MFHAS1: variants seen among roughly 807,000 people sequenced by gnomAD.
MFHAS1 encodes the protein multifunctional ROCO family signaling regulator 1.
A neutral mutation model predicts 70.4 loss-of-function variants in MFHAS1; 50 were observed. The observed-to-expected ratio is 0.71, with a 90% CI of 0.57 to 0.90. The LOEUF (loss-of-function observed/expected upper bound fraction) is 0.90, where lower values mean the gene tolerates loss of function less well. Among genes scored for constraint, MFHAS1 ranks in the 40% least tolerant of loss-of-function variants. The pLI, the probability that MFHAS1 is intolerant of heterozygous loss-of-function variation, is 0.00. For synonymous variants in MFHAS1, 952 were observed against 620.0 expected, an observed-to-expected ratio of 1.54 and a Z score of -7.96; for missense variants, 1,795 against 1,347.6, an observed-to-expected ratio of 1.33 and a Z score of -5.20.
At chr8:8,806,139 T>C (rs1047156068) in intron 1 of MFHAS1, among the ~76,000 whole-genome samples, 1 of 152,218 alleles carries the variant, frequency 6.6e-6, no homozygotes, top group Admixed American at 6.5e-5. Context: ...TTCTAATACC[T>C]GCAACAGGAG....
chr8:8,887,866 A>C (rs1444088053), intron 1 of MFHAS1, among the ~76,000 whole-genome samples: 9 of 150,244 alleles, frequency 6.0e-5, no homozygotes, highest in Non-Finnish European at 8.9e-5. Flanking sequence ...AAACAAAAAA[A>C]AAAAAAAAAA....
intron 1 of MFHAS1, among the ~76,000 whole-genome samples, chr8:8,846,234 C>T (rs1479782314): frequency 8.2e-6 from 1 of 121,716 alleles, no homozygotes; most frequent in Non-Finnish European, 1.6e-5. Flanking sequence ...GCCTGAGCGA[C>T]AGAGCGAGAC....
intron 2 of MFHAS1, among the ~76,000 whole-genome samples, chr8:8,794,960 C>T (rs1805842246): frequency 6.6e-6 from 1 of 152,096 alleles, no homozygotes; most frequent in African/African-American, 2.4e-5. Context: ...TACAAGAAGC[C>T]CATGGGAAAA....
intron 1 of MFHAS1, among the ~76,000 whole-genome samples, chr8:8,809,259 C>T (rs557538514): frequency 2.6e-5 from 4 of 152,198 alleles, no homozygotes; most frequent in East Asian, 1.9e-4. Context: ...ATAAAGTGCA[C>T]GACAAATGTA....
rs867537422 is a variant in MFHAS1, at chr8:8,892,454, T to G, written c.605A>C (p.Gln202Pro). The change falls in exon 1 of 3, where the codon CAG becomes CCG. Residue 202 changes from glutamine (Q) to proline (P), a missense_variant. Coordinates refer to ENST00000276282, the MANE Select transcript of MFHAS1 (RefSeq NM_004225.3). This position sits in a 1 kb window ranked among gnomAD's most constrained non-coding sequence, Gnocchi z 4.7. ...QLTAFPRQLL[Q>P]LVALEELDVS... ...GTCCAGCTCCTCCAGGGCCACCAGC[T>G]GCAGCAGCTGCCGGGGGAAGGCAGT... 6.2e-7 allele frequency: 1 copy of G among 1,610,228 alleles called. No homozygotes were observed. The highest frequency in any genetic ancestry group is 8.5e-7 in the Non-Finnish European group (1 of 1,178,462).
chr8:8,834,090 C>T (rs1201838409), intron 1 of MFHAS1, among the ~76,000 whole-genome samples: 1 of 151,644 alleles, frequency 6.6e-6, no homozygotes, highest in Admixed American at 6.6e-5. Context: ...CGTGCCACTG[C>T]ACTCCAGCCT....
intron 1 of MFHAS1, among the ~76,000 whole-genome samples, chr8:8,878,647 A>T (rs1809388206): frequency 6.6e-6 from 1 of 151,590 alleles, no homozygotes. Context: ...TTGCGTTTTT[A>T]AAAATTCCTT....
At position 8,785,977 on chromosome 8, in the gene MFHAS1, T is replaced by C. The variant is rs767613072; in HGVS notation, c.*45A>G. ...CCAGGTGCAAAAGATGGTCCAGGTGTTCAGATGCTCTCTTTTCTCCATGGA... is the reference window on the plus strand; with the variant it reads ...CCAGGTGCAAAAGATGGTCCAGGTGCTCAGATGCTCTCTTTTCTCCATGGA... On this transcript the variant is annotated 3_prime_UTR_variant, in exon 3 of 3. Coordinates refer to ENST00000276282, the MANE Select transcript of MFHAS1 (RefSeq NM_004225.3). 2.5e-6 allele frequency: 4 copies of C among 1,606,778 alleles called. No homozygotes were observed. The highest frequency in any genetic ancestry group is 3.4e-6 in the Non-Finnish European group (4 of 1,173,502).
chr8:8,883,883 A>G (rs942896080), intron 1 of MFHAS1, among the ~76,000 whole-genome samples: 1 of 151,968 alleles, frequency 6.6e-6, no homozygotes, highest in Non-Finnish European at 1.5e-5. Flanking sequence ...ACCTCAGAGT[A>G]TGACATAAAA....
intron 1 of MFHAS1, among the ~76,000 whole-genome samples, chr8:8,824,768 T>A (rs1198984217): frequency 6.6e-6 from 1 of 152,112 alleles, no homozygotes; most frequent in African/African-American, 2.4e-5. Context: ...AGGGTATCCA[T>A]CAATTCTGAA....
intron 1 of MFHAS1, among the ~76,000 whole-genome samples, chr8:8,850,660 C>T (rs764606572): frequency 4.6e-5 from 7 of 152,066 alleles, no homozygotes; most frequent in Non-Finnish European, 7.4e-5. Context: ...CATGGCAAAA[C>T]CCTGTCTCTA....
chr8:8,788,822 G>A (rs1805634976), intron 2 of MFHAS1, among the ~76,000 whole-genome samples: 1 of 152,218 alleles, frequency 6.6e-6, no homozygotes, highest in Non-Finnish European at 1.5e-5. Flanking sequence ...TAGGAGAGAA[G>A]GGCAGCAGCC....
intron 1 of MFHAS1, among the ~76,000 whole-genome samples, chr8:8,872,999 G>T (rs1257126010): frequency 6.6e-6 from 1 of 152,130 alleles, no homozygotes; most frequent in Non-Finnish European, 1.5e-5. Context: ...GGGAGTGAGG[G>T]GTGTCAGGGA....
rs978140241 is a variant in MFHAS1 at position 8,809,541 on chromosome 8, C to T, written c.2999-12050G>A. On this transcript the variant is annotated intron_variant, in intron 1 of 2. Transcript: ENST00000276282. ...TTCCCGCCACTCACTCGTCCCACCA[C>T]GCCTCCCTGCAGACGCGTGTGCCAC... Among the ~76,000 whole-genome samples, 9 of 152,216 alleles carry T rather than the reference C, an allele frequency of 5.9e-5. No individual in the cohort carries two copies. The South Asian group carries it at 8.3e-4, about 14-fold the overall frequency.
chr8:8,794,059 G>A lies in MFHAS1; in HGVS notation c.3125+3306C>T, dbSNP rs568212620. Among the ~76,000 whole-genome samples the A allele has an allele frequency of 5.3e-5, 8 of 152,200 alleles. No individual in the cohort carries two copies. In the East Asian group the frequency reaches 1.4e-3, roughly 26 times the overall value. ...CAAAAAATTAGCTAGGTGTGGTTGT[G>A]TGCGCCTGTAGTCCTAGCTACTTAG... On this transcript the variant is annotated intron_variant, in intron 2 of 2. Transcript: ENST00000276282.
At chr8:8,791,238 C>G (rs1207052585) in intron 2 of MFHAS1, among the ~76,000 whole-genome samples, 17 of 151,180 alleles carry the variant, frequency 1.1e-4, no homozygotes, top group Admixed American at 1.1e-3. Flanking sequence ...GGAGCACAGA[C>G]AGATACGGTA....
intron 2 of MFHAS1, among the ~76,000 whole-genome samples, chr8:8,788,638 C>A (rs1193759659): frequency 3.3e-5 from 5 of 152,180 alleles, no homozygotes; most frequent in African/African-American, 1.2e-4. Context: ...AAGATTGTGC[C>A]AATACACTCC....
Position 8,890,726 on chromosome 8 carries a change from T to G in MFHAS1, c.2333A>C (p.Glu778Ala). The G allele has an allele frequency of 6.2e-7, 1 of 1,613,738 alleles. No homozygotes were observed. The highest frequency in any genetic ancestry group is 1.1e-5 in the South Asian group (1 of 91,064). Residue 778 changes from glutamate (E) to alanine (A), a missense_variant, in exon 1 of 3, where the codon GAA becomes GCA. By Grantham distance (107) the Glu-to-Ala change is moderately radical. Transcript: ENST00000276282. ...ATGGAGCTGGGTGGCCCGGAGCAGT[T>G]CCTGGCTGGGGGTGGACCGCGCCAT... ...PPMARSTPSQ[E>A]LLRATQLHQY...
At chr8:8,855,586 T>C (rs1222678633) in intron 1 of MFHAS1, among the ~76,000 whole-genome samples, 3 of 152,232 alleles carry the variant, frequency 2.0e-5, no homozygotes, top group African/African-American at 4.8e-5. Flanking sequence ...CCAGGCACGG[T>C]GGCTCACACC....
Sources: gnomAD v4.1 joint callset for allele counts (sites outside exome capture counted in the v4.1 genomes callset) on GRCh38, gnomAD v4.1.1 for gene constraint, Gnocchi (gnomAD v3.1) non-coding constraint, MANE v1.5 for transcripts, NCBI Gene and HGNC (gene_info 2026-07-23, HGNC 2026-07-21) for gene names.